The following DOCK3 variants were observed in gnomAD, a reference collection of about 807,000 sequenced individuals.
DOCK3 encodes the protein dedicator of cytokinesis 3.
A neutral mutation model predicts 265.6 loss-of-function variants in DOCK3; 60 were observed. The observed-to-expected ratio is 0.23, with a 90% CI of 0.18 to 0.28. DOCK3 has a LOEUF of 0.28. Among genes scored for constraint, DOCK3 ranks in the 10% least tolerant of loss-of-function variants. The pLI is 1.00. For missense variants in DOCK3, 1,981 were observed against 2,594.3 expected, an observed-to-expected ratio of 0.76 and a Z score of 5.14; for synonymous variants, 881 against 938.0, an observed-to-expected ratio of 0.94 and a Z score of 1.11.
chr3:51,368,172 A>G (rs1262774791), intron 49 of DOCK3, among the ~76,000 whole-genome samples: 12 of 152,158 alleles, frequency 7.9e-5, no homozygotes, highest in Non-Finnish European at 4.4e-5. Flanking sequence ...AAGACAGGTG[A>G]TTTCTGCATT....
At chr3:51,231,925 A>C (rs2078139186) in intron 19 of DOCK3, among the ~76,000 whole-genome samples, 1 of 152,108 alleles carries the variant, frequency 6.6e-6, no homozygotes, top group Non-Finnish European at 1.5e-5. Context: ...TCTTGAGTTC[A>C]TTTTTGTTCA....
rs574674331 is a variant in DOCK3 at position 51,275,100 on chromosome 3, C to A, written c.2570C>A (p.Pro857His). Residue 857 changes from proline (P) to histidine (H), a missense_variant, in exon 25 of 53, where the codon CCT (proline) becomes CAT (histidine). Pro to His is a moderately conservative substitution (Grantham distance 77). Around this residue, in one of 4 missense-constraint regions of DOCK3, gnomAD observed 1,357 missense variants for 1,866.8 expected, o/e 0.73. Coordinates refer to ENST00000266037, the MANE Select transcript of DOCK3 (RefSeq NM_004947.5). ...CCAGAATCCCGCCGCATCCTGCTTC[C>A]TGTGGTTCTCCATCACATTCACCTT... ...SFSESRRILL[P>H]VVLHHIHLHL... The A allele has an allele frequency of 6.2e-7, 1 of 1,614,022 alleles. No homozygotes were observed. The highest frequency in any genetic ancestry group is 1.3e-5 in the African/African-American group (1 of 75,056).
chr3:51,280,046 T>G (rs544406915), intron 26 of DOCK3, 60 bp from the exon 27 acceptor site: 5 of 1,399,374 alleles, frequency 3.6e-6, no homozygotes, highest in Non-Finnish European at 5.0e-6. Context: ...CCTCTATGGA[T>G]TGGGGGAACA....
At chr3:51,305,143 C>T (rs1293683699) in intron 27 of DOCK3, among the ~76,000 whole-genome samples, 1 of 152,134 alleles carries the variant, frequency 6.6e-6, no homozygotes, top group Non-Finnish European at 1.5e-5. Flanking sequence ...GTTGTTCTGA[C>T]TGTTAGTGGT....
At chr3:50,733,353 G>C (rs1342772032) in intron 1 of DOCK3, among the ~76,000 whole-genome samples, 2 of 152,004 alleles carry the variant, frequency 1.3e-5, no homozygotes, top group South Asian at 2.1e-4. Context: ...TTGTATTTCT[G>C]TCTATTCTCC....
At position 50,747,820 on chromosome 3, in the gene DOCK3, C is replaced by T. The variant is rs375879665; in HGVS notation, c.38-30855C>T. Among the ~76,000 whole-genome samples, 222 of 151,192 alleles carry T rather than the reference C, an allele frequency of 1.5e-3. 2 individuals carry two copies. Among genetic ancestry groups the T allele is most frequent in the East Asian group, 8.0e-3 (41 of 5,114 alleles). On this transcript the variant is annotated intron_variant, in intron 1 of 52. Coordinates refer to ENST00000266037, the MANE Select transcript of DOCK3 (RefSeq NM_004947.5). ...CGGAGGTTGCAGTGAGCCAAGATTG[C>T]GCCACTGCACTCCCACCTGGGTGAC... is the stretch of plus-strand genomic sequence containing the variant.
At chr3:51,281,970 C>T (rs547912022) in intron 27 of DOCK3, among the ~76,000 whole-genome samples, 23 of 152,306 alleles carry the variant, frequency 1.5e-4, no homozygotes, top group African/African-American at 5.5e-4. Flanking sequence ...AAAGGGTGCA[C>T]TCGCCAGCAG....
At chr3:50,807,495 C>T (rs546973272) in intron 2 of DOCK3, among the ~76,000 whole-genome samples, 4 of 152,240 alleles carry the variant, frequency 2.6e-5, no homozygotes, top group Admixed American at 1.3e-4. Context: ...CTTCCAACAT[C>T]GGGGATCAAA....
intron 5 of DOCK3, among the ~76,000 whole-genome samples, chr3:51,027,434 G>A (rs2079867398): frequency 6.6e-6 from 1 of 151,916 alleles, no homozygotes; most frequent in African/African-American, 2.4e-5. Context: ...GTGGATTTTA[G>A]GTGGGGTATT....
At chr3:51,123,488 A>G (rs965331658) in intron 9 of DOCK3, among the ~76,000 whole-genome samples, 6 of 152,234 alleles carry the variant, frequency 3.9e-5, no homozygotes, top group Admixed American at 3.3e-4. Context: ...ACTTGTAGTC[A>G]TGGCTAAGAC....
chr3:51,218,359 G>T (rs1286316763), intron 14 of DOCK3, among the ~76,000 whole-genome samples: 1 of 151,996 alleles, frequency 6.6e-6, no homozygotes, highest in African/African-American at 2.4e-5. Context: ...GCTTAAACTC[G>T]GGAGGTAAAA....
At chr3:51,274,938 A>C in intron 24 of DOCK3, 141 bp from the exon 25 acceptor site, 1 of 921,552 alleles carries the variant, frequency 1.1e-6, no homozygotes, top group South Asian at 1.5e-5. Context: ...GGCCCTTGTA[A>C]GGTAAGGAGA....
chr3:50,806,763 C>T (rs1393903334), intron 2 of DOCK3, among the ~76,000 whole-genome samples: 1 of 151,850 alleles, frequency 6.6e-6, no homozygotes, highest in Admixed American at 6.5e-5. Flanking sequence ...GGCTACTGTA[C>T]CCAAGAGGAG....
chr3:50,819,183 T>C (rs1009627321), intron 2 of DOCK3, among the ~76,000 whole-genome samples: 4 of 152,186 alleles, frequency 2.6e-5, no homozygotes, highest in Admixed American at 2.0e-4. Flanking sequence ...GGCACCTGCA[T>C]GTACTTCTGC....
chr3:51,214,367 C>T, intron 14 of DOCK3, 120 bp downstream of exon 14: 1 of 1,380,086 alleles, frequency 7.2e-7, no homozygotes, highest in South Asian at 1.5e-5. Context: ...AAATCTCCCA[C>T]ATCCCAAGTC....
chr3:51,013,319 A>G (rs1400245527), intron 5 of DOCK3, among the ~76,000 whole-genome samples: 1 of 152,134 alleles, frequency 6.6e-6, no homozygotes, highest in Non-Finnish European at 1.5e-5. Context: ...ATGGTGACCT[A>G]CAGATGGGGT....
intron 1 of DOCK3, among the ~76,000 whole-genome samples, chr3:50,741,768 A>G (rs2039048493): frequency 6.6e-6 from 1 of 152,066 alleles, no homozygotes; most frequent in African/African-American, 2.4e-5. Context: ...AGCATGATTT[A>G]TAGTCCTTTG....
intron 5 of DOCK3, among the ~76,000 whole-genome samples, chr3:51,013,306 A>G (rs532383525): frequency 6.6e-6 from 1 of 152,224 alleles, no homozygotes. Context: ...TTGGTCTTTG[A>G]TGATGGTGAC....
intron 1 of DOCK3, among the ~76,000 whole-genome samples, chr3:50,701,195 A>G (rs1309143997): frequency 7.0e-6 from 1 of 143,388 alleles, no homozygotes; most frequent in Non-Finnish European, 1.5e-5. Flanking sequence ...CCGTGGCAGG[A>G]TCATGGCTCA....
Sources: allele counts gnomAD v4.1 joint callset (sites outside exome capture counted in the v4.1 genomes callset), GRCh38; gene constraint gnomAD v4.1.1; regional missense constraint gnomAD v4.1.1; transcripts MANE v1.5; gene names NCBI Gene and HGNC (gene_info 2026-07-23, HGNC 2026-07-21).